Variants in GIPC2 observed in about 807,000 individuals in gnomAD.
The protein encoded by GIPC2 is GIPC PDZ domain containing family member 2.
GIPC2 carries 30 observed loss-of-function variants against 30.6 expected under a neutral mutation model. The observed-to-expected ratio is 0.98, with a 90% CI of 0.73 to 1.33. GIPC2 has a LOEUF of 1.33. GIPC2 is among the 40% of genes most tolerant of loss of function. The pLI is 0.00. For missense variants in GIPC2, 414 were observed against 390.3 expected, an observed-to-expected ratio of 1.06 and a Z score of -0.51; for synonymous variants, 167 against 150.0, an observed-to-expected ratio of 1.11 and a Z score of -0.83.
At chr1:78,075,566 G>A (rs796249905) in intron 1 of GIPC2, among the ~76,000 whole-genome samples, 1 of 152,180 alleles carries the variant, frequency 6.6e-6, no homozygotes, top group Non-Finnish European at 1.5e-5. Flanking sequence ...CTTGGCATTG[G>A]TGTCTTTCTC....
rs553582552 is a variant in GIPC2 at position 78,113,313 on chromosome 1, A to T, written c.608-6080A>T. 1.3e-4 allele frequency among the ~76,000 whole-genome samples: 20 copies of T among 152,284 alleles called. No individual in the cohort carries two copies. The East Asian group carries it at 3.5e-3, about 26-fold the overall frequency. On this transcript the variant is annotated intron_variant, in intron 3 of 5. Coordinates refer to ENST00000370759, the MANE Select transcript of GIPC2 (RefSeq NM_017655.6). The stretch of plus-strand genomic sequence containing the variant: ...AGTCTCAAACTCCCAGGCTTAGATG[A>T]TCTTCACACCATAGTCTCCTGAGTA...
intron 4 of GIPC2, among the ~76,000 whole-genome samples, chr1:78,124,038 CAT>C (rs1387323588): frequency 6.6e-6 from 1 of 152,138 alleles, no homozygotes; most frequent in Admixed American, 6.5e-5. Flanking sequence ...TACAAAACAA[CAT>C]ATATTTATAA....
At chr1:78,093,768 A>G (rs1003272319) in intron 2 of GIPC2, among the ~76,000 whole-genome samples, 1 of 152,136 alleles carries the variant, frequency 6.6e-6, no homozygotes, top group African/African-American at 2.4e-5. Context: ...TGATATTGCT[A>G]TCATTCCTAT....
At chr1:78,076,424 A>G (rs1455142933) in intron 1 of GIPC2, among the ~76,000 whole-genome samples, 1 of 152,224 alleles carries the variant, frequency 6.6e-6, no homozygotes, top group Non-Finnish European at 1.5e-5. Context: ...CATGGAAGAC[A>G]GTTTTTCCAT....
At chr1:78,113,376 T>C (rs1446834951) in intron 3 of GIPC2, among the ~76,000 whole-genome samples, 1 of 152,202 alleles carries the variant, frequency 6.6e-6, no homozygotes, top group East Asian at 1.9e-4. Flanking sequence ...GCCTGGCTGA[T>C]GAAATATTTT....
At chr1:78,097,626 G>C (rs186006132) in intron 3 of GIPC2, among the ~76,000 whole-genome samples, 5 of 152,070 alleles carry the variant, frequency 3.3e-5, no homozygotes, top group Admixed American at 1.3e-4. Context: ...TCCACCACTA[G>C]CTACACTCCA....
At chr1:78,109,690 A>T (rs987881829) in intron 3 of GIPC2, among the ~76,000 whole-genome samples, 4 of 152,178 alleles carry the variant, frequency 2.6e-5, no homozygotes, top group East Asian at 3.8e-4. Context: ...CTTACCCCAA[A>T]TAATTTACCT....
chr1:78,130,290 G>A (rs1662868872), intron 5 of GIPC2, among the ~76,000 whole-genome samples: 1 of 151,978 alleles, frequency 6.6e-6, no homozygotes, highest in Non-Finnish European at 1.5e-5. Context: ...TTTTAGTAGA[G>A]ATGGGGTTTC....
At chr1:78,051,071 A>G (rs1238917372) in intron 1 of GIPC2, among the ~76,000 whole-genome samples, 2 of 152,128 alleles carry the variant, frequency 1.3e-5, no homozygotes, top group Non-Finnish European at 2.9e-5. Flanking sequence ...ATATTTTCCT[A>G]ATTCTCTATT....
At chr1:78,052,975 T>C (rs1438070716) in intron 1 of GIPC2, among the ~76,000 whole-genome samples, 1 of 152,164 alleles carries the variant, frequency 6.6e-6, no homozygotes, top group Admixed American at 6.5e-5. Flanking sequence ...GGTTCACAAA[T>C]GGGAAACTAG....
At chr1:78,093,337 A>G (rs963247291) in intron 2 of GIPC2, among the ~76,000 whole-genome samples, 1 of 152,164 alleles carries the variant, frequency 6.6e-6, no homozygotes, top group Non-Finnish European at 1.5e-5. Context: ...TAAGTTTAAT[A>G]TGGGTTTCTA....
intron 1 of GIPC2, among the ~76,000 whole-genome samples, chr1:78,075,209 C>G (rs536321336): frequency 6.6e-6 from 1 of 152,150 alleles, no homozygotes; most frequent in African/African-American, 2.4e-5. Flanking sequence ...GTAATCCCAG[C>G]GCTTTTGGAG....
intron 3 of GIPC2, among the ~76,000 whole-genome samples, chr1:78,114,789 TA>T (rs1372202578): frequency 6.6e-6 from 1 of 152,180 alleles, no homozygotes; most frequent in African/African-American, 2.4e-5. Flanking sequence ...AACTCTAAAC[TA>T]TGGACATTGG....
At chr1:78,076,845 T>C (rs922440374) in intron 1 of GIPC2, among the ~76,000 whole-genome samples, 2 of 152,184 alleles carry the variant, frequency 1.3e-5, no homozygotes, top group Non-Finnish European at 2.9e-5. Context: ...CTCGGCTCAC[T>C]GTAACCTCTG....
chr1:78,046,783 G>A (rs1484361504), intron 1 of GIPC2, among the ~76,000 whole-genome samples: 2 of 151,466 alleles, frequency 1.3e-5, no homozygotes, highest in Admixed American at 1.3e-4. Flanking sequence ...GATTAACGGG[G>A]GAAAAAAAAA....
At chr1:78,092,202 G>A in intron 2 of GIPC2, 1 of 564,906 alleles carries the variant, frequency 1.8e-6, no homozygotes, top group Non-Finnish European at 3.1e-6. Flanking sequence ...AATTGAAAGG[G>A]GAAAAAAAAG....
Position 78,117,650 on chromosome 1 carries a change from T to G in GIPC2, c.608-1743T>G, listed in dbSNP as rs115952042. Among the ~76,000 whole-genome samples the G allele has an allele frequency of 2.6e-3, 389 of 152,280 alleles. 2 individuals carry two copies. The highest frequency in any genetic ancestry group is 8.9e-3 in the African/African-American group (371 of 41,558). On this transcript the variant is annotated intron_variant, in intron 3 of 5. Coordinates refer to ENST00000370759, the MANE Select transcript of GIPC2 (RefSeq NM_017655.6). ...CTAACAGGCCATGGGCTGGTACCAGTCTGCGGCCCTGGAGGTTGGAGACCT... is the reference window on the plus strand; with the variant it reads ...CTAACAGGCCATGGGCTGGTACCAGGCTGCGGCCCTGGAGGTTGGAGACCT...
At chr1:78,078,851 A>C (rs74093210) in intron 1 of GIPC2, among the ~76,000 whole-genome samples, 5,109 of 151,350 alleles carry the variant, frequency 0.034, 265 homozygotes, top group African/African-American at 0.12. Flanking sequence ...AAAAAAAAAA[A>C]AAAAACAACA....
chr1:78,124,291 A>G (rs941825827), intron 4 of GIPC2, among the ~76,000 whole-genome samples: 4 of 152,226 alleles, frequency 2.6e-5, no homozygotes, highest in Non-Finnish European at 5.9e-5. Flanking sequence ...GGTACCATTA[A>G]TACATAACAC....
Sources: allele counts gnomAD v4.1 joint callset (sites outside exome capture counted in the v4.1 genomes callset), GRCh38; gene constraint gnomAD v4.1.1; transcripts MANE v1.5; gene names NCBI Gene and HGNC (gene_info 2026-07-23, HGNC 2026-07-21).